UNC13C: variants seen among roughly 807,000 people sequenced by gnomAD.
UNC13C encodes the protein protein unc-13 homolog C.
In UNC13C, 174 loss-of-function variants were observed where a neutral mutation model predicts 245.4. The ratio of observed to expected loss-of-function variants is 0.71; its 90% CI spans 0.63 to 0.80. The LOEUF (loss-of-function observed/expected upper bound fraction) is 0.80. Ranked by LOEUF, UNC13C falls within the 30% of genes least tolerant of loss-of-function variation. The probability of loss-of-function intolerance (pLI) is 0.00; values close to 1 mark genes in which losing one functional copy is unlikely to be tolerated. For synonymous variants in UNC13C, 992 were observed against 895.1 expected (o/e 1.11, Z -1.93); for missense variants, 2,829 against 2,602.9 (o/e 1.09, Z -1.89).
intron 26 of UNC13C, among the ~76,000 whole-genome samples, chr15:54,543,954 C>T (rs1374583979): frequency 6.6e-6 from 1 of 152,134 alleles, no homozygotes; most frequent in African/African-American, 2.4e-5. Flanking sequence ...ATGAAGCCAG[C>T]ATCATCCTGA....
chr15:54,500,445 A>G (rs1373301517), intron 21 of UNC13C, among the ~76,000 whole-genome samples: 14 of 151,892 alleles, frequency 9.2e-5, no homozygotes, highest in Admixed American at 9.2e-4. Context: ...CTAACCTTGT[A>G]CAAAACATCT....
chr15:54,483,335 A>G (rs1893229863), intron 19 of UNC13C, among the ~76,000 whole-genome samples: 1 of 152,194 alleles, frequency 6.6e-6, no homozygotes, highest in South Asian at 2.1e-4. Context: ...CTGAATGCTT[A>G]TTCCAGACTT....
chr15:53,886,555 G>A, the UNC13C span, among the ~76,000 whole-genome samples: 26 of 152,182 alleles, frequency 1.7e-4, no homozygotes, highest in African/African-American at 2.6e-4. Context: ...AAAATCTCCC[G>A]CACAGAGGAA....
At chr15:54,237,517 G>A (rs747836931) in intron 6 of UNC13C, 102 bp from the exon 7 acceptor site, 2 of 865,604 alleles carry the variant, frequency 2.3e-6, no homozygotes, top group Non-Finnish European at 3.8e-6. Flanking sequence ...ACTAAAATAT[G>A]AACAGTGATA....
intron 30 of UNC13C, among the ~76,000 whole-genome samples, chr15:54,607,576 A>G (rs1326186840): frequency 2.0e-5 from 3 of 152,142 alleles, no homozygotes; most frequent in Non-Finnish European, 2.9e-5. Flanking sequence ...TCACACTGCT[A>G]TAAAGAACTA....
At chr15:54,162,146 A>C (rs1567059351) in intron 4 of UNC13C, among the ~76,000 whole-genome samples, 1 of 152,078 alleles carries the variant, frequency 6.6e-6, no homozygotes, top group Non-Finnish European at 1.5e-5. Flanking sequence ...TACGTGGCTG[A>C]TGTCTATTGT....
chr15:54,239,138 A>G (rs1269161482), intron 7 of UNC13C, among the ~76,000 whole-genome samples: 3 of 152,210 alleles, frequency 2.0e-5, no homozygotes, highest in Admixed American at 6.5e-5. Context: ...TTGTAGAATA[A>G]AAATTCTGCC....
intron 19 of UNC13C, among the ~76,000 whole-genome samples, chr15:54,455,938 T>C (rs1481596968): frequency 6.6e-6 from 1 of 152,208 alleles, no homozygotes; most frequent in Non-Finnish European, 1.5e-5. Flanking sequence ...TCATGAACTC[T>C]TTGTTCGTCA....
At chr15:54,283,553 A>G (rs2037057062) in intron 10 of UNC13C, among the ~76,000 whole-genome samples, 1 of 152,110 alleles carries the variant, frequency 6.6e-6, no homozygotes, top group South Asian at 2.1e-4. Context: ...ATTAGAATGT[A>G]TTATATTTTA....
At chr15:54,440,362 T>C (rs1890452517) in intron 19 of UNC13C, among the ~76,000 whole-genome samples, 1 of 152,030 alleles carries the variant, frequency 6.6e-6, no homozygotes, top group Non-Finnish European at 1.5e-5. Context: ...TCTAATGCTA[T>C]GAGAATCACC....
intron 29 of UNC13C, 114 bp downstream of exon 29, chr15:54,555,626 G>T (rs1384460875): frequency 2.6e-6 from 2 of 756,832 alleles, no homozygotes; most frequent in Non-Finnish European, 4.3e-6. Flanking sequence ...CAAAGAGATA[G>T]TAGATAGTTG....
intron 1 of UNC13C, among the ~76,000 whole-genome samples, chr15:53,979,398 C>G: frequency 8.1e-6 from 1 of 124,062 alleles, no homozygotes; most frequent in Non-Finnish European, 1.8e-5. Context: ...AGAAGCTTTA[C>G]CAATGATTTT....
At chr15:54,488,798 A>T (rs1893554788) in intron 19 of UNC13C, among the ~76,000 whole-genome samples, 1 of 152,176 alleles carries the variant, frequency 6.6e-6, no homozygotes, top group South Asian at 2.1e-4. Context: ...TAAATTTTGT[A>T]CAAAATTATA....
At chr15:54,123,489 A>G (rs1018376372) in intron 2 of UNC13C, among the ~76,000 whole-genome samples, 1 of 151,968 alleles carries the variant, frequency 6.6e-6, no homozygotes, top group South Asian at 2.1e-4. Context: ...TCTTGCAAAG[A>G]GCATAACTTT....
At chr15:54,229,825 A>G (rs7178272) in intron 4 of UNC13C, among the ~76,000 whole-genome samples, 1 of 151,802 alleles carries the variant, frequency 6.6e-6, no homozygotes, top group Non-Finnish European at 1.5e-5. Flanking sequence ...TCTATTCCCT[A>G]GTTCTGAGAT....
chr15:53,886,402 G>A, the UNC13C span, among the ~76,000 whole-genome samples: 1 of 152,084 alleles, frequency 6.6e-6, no homozygotes, highest in Non-Finnish European at 1.5e-5. Flanking sequence ...AACAAAAAGA[G>A]CTTTCAATGG....
the UNC13C span, among the ~76,000 whole-genome samples, chr15:53,883,679 G>A: frequency 1.3e-5 from 2 of 152,084 alleles, no homozygotes; most frequent in Non-Finnish European, 2.9e-5. Flanking sequence ...TTTTCTTTTA[G>A]TCATTATATA....
upstream of UNC13C, chr15:53,975,086 A>C (rs1434957653): frequency 2.6e-4 from 40 of 152,246 alleles, 1 homozygote; most frequent in Admixed American, 2.6e-3. Flanking sequence ...GTGGGCAAAC[A>C]GGAAGTGGCA....
chr15:54,622,071 A>G (rs1016127350), intron 30 of UNC13C, among the ~76,000 whole-genome samples: 1 of 152,180 alleles, frequency 6.6e-6, no homozygotes, highest in Non-Finnish European at 1.5e-5. Flanking sequence ...TCTTTAAACT[A>G]TCATAATAGT....
Sources: gnomAD v4.1 joint callset for allele counts (sites outside exome capture counted in the v4.1 genomes callset) on GRCh38, gnomAD v4.1.1 for gene constraint, MANE v1.5 for transcripts, NCBI Gene and HGNC (gene_info 2026-07-23, HGNC 2026-07-21) for gene names.